Variants in GPR39 observed in about 807,000 individuals in gnomAD.
GPR39 encodes zinc sensing receptor.
In GPR39, 23 loss-of-function variants were observed where a neutral mutation model predicts 18.4. The ratio of observed to expected loss-of-function variants is 1.25; its 90% CI spans 0.90 to 1.77. The LOEUF (loss-of-function observed/expected upper bound fraction) is 1.77, where lower values mean the gene tolerates loss of function less well. Among genes scored for constraint, GPR39 ranks in the 40% most tolerant of loss-of-function variants. The pLI, the probability that GPR39 is intolerant of heterozygous loss-of-function variation, is 0.00. For missense variants in GPR39, 647 were observed against 602.4 expected (o/e 1.07, Z -0.78); for synonymous variants, 280 against 257.9 (o/e 1.09, Z -0.82).
chr2:132,641,868 T>G (rs1681862192), intron 1 of GPR39, among the ~76,000 whole-genome samples: 1 of 152,218 alleles, frequency 6.6e-6, no homozygotes, highest in South Asian at 2.1e-4. Context: ...TTTTTCAAAC[T>G]GAAAGTATGA....
chr2:132,644,770 T>TAAC (rs765706388), intron 1 of GPR39: 7 of 271,444 alleles, frequency 2.6e-5, no homozygotes, highest in Non-Finnish European at 4.8e-5. Context: ...GATTTATGGA[T>TAAC]AACATGAACT....
Position 132,468,184 on chromosome 2 carries a change from A to G in GPR39, c.856+50286A>G, listed in dbSNP as rs181466406. Among the ~76,000 whole-genome samples, 3 of 152,314 alleles carry G rather than the reference A, an allele frequency of 2.0e-5. No individual in the cohort carries two copies. In the East Asian group the frequency reaches 5.8e-4, roughly 29 times the overall value. On this transcript the variant is annotated intron_variant, in intron 1 of 1. Coordinates refer to ENST00000329321, the MANE Select transcript of GPR39 (RefSeq NM_001508.3). Reference sequence around the variant, plus strand: ...CAAAATTGAACTTGACCCAACCAACATATTTCAAGTACCTGTGGTTTCACT... The same window carrying G: ...CAAAATTGAACTTGACCCAACCAACGTATTTCAAGTACCTGTGGTTTCACT...
Position 132,645,449 on chromosome 2 carries a change from C to G in GPR39, c.1205C>G (p.Ala402Gly). The G allele has an allele frequency of 1.2e-6, 2 of 1,613,842 alleles. No individual in the cohort carries two copies. The highest frequency in any genetic ancestry group is 1.7e-6 in the Non-Finnish European group (2 of 1,180,030). ...LLFASRRQSS[A>G]RRTEKIFLST... ...TTCGCGTCCCGGCGCCAGTCCTCTGCAAGGAGAACTGAGAAGATTTTCTTA... is the reference window on the plus strand; with the variant it reads ...TTCGCGTCCCGGCGCCAGTCCTCTGGAAGGAGAACTGAGAAGATTTTCTTA... The change falls in exon 2 of 2, where the codon GCA (alanine) becomes GGA (glycine). Residue 402 changes from alanine to glycine, a missense_variant. Ala to Gly is a moderately conservative substitution (Grantham distance 60). Around this residue, in one of 3 missense-constraint regions of GPR39, gnomAD observed 581 missense variants for 506.8 expected, o/e 1.15. Coordinates refer to ENST00000329321, the MANE Select transcript of GPR39 (RefSeq NM_001508.3).
intron 1 of GPR39, among the ~76,000 whole-genome samples, chr2:132,448,729 G>T (rs982188337): frequency 2.0e-5 from 3 of 152,108 alleles, no homozygotes; most frequent in Non-Finnish European, 2.9e-5. Context: ...ATATTTTATT[G>T]GGTCAGAAAA....
chr2:132,543,353 A>T (rs1044415470), intron 1 of GPR39, among the ~76,000 whole-genome samples: 1 of 152,108 alleles, frequency 6.6e-6, no homozygotes, highest in Non-Finnish European at 1.5e-5. Flanking sequence ...TAAGGAATGG[A>T]ATTTTCCACT....
chr2:132,432,639 AT>A, intron 1 of GPR39, among the ~76,000 whole-genome samples: 1 of 152,288 alleles, frequency 6.6e-6, no homozygotes, highest in East Asian at 1.9e-4. Context: ...AGGACCTGGT[AT>A]TCTCGGAGGA....
chr2:132,450,105 T>C (rs1309669288), intron 1 of GPR39, among the ~76,000 whole-genome samples: 1 of 152,206 alleles, frequency 6.6e-6, no homozygotes, highest in African/African-American at 2.4e-5. Flanking sequence ...TCCAATATAC[T>C]TTGCTTATCA....
At chr2:132,566,398 T>C (rs1031373192) in intron 1 of GPR39, among the ~76,000 whole-genome samples, 6 of 151,892 alleles carry the variant, frequency 4.0e-5, no homozygotes, top group Non-Finnish European at 7.4e-5. Context: ...AGAAGCTCTT[T>C]AGTTTAATTA....
chr2:132,458,458 TTGTGTGTGTGTG>T (rs57137481), intron 1 of GPR39, among the ~76,000 whole-genome samples: 2,048 of 132,210 alleles, frequency 0.015, 64 homozygotes, highest in African/African-American at 0.052. Flanking sequence ...CTCGGTGTGT[TTGTGTGTGTGTG>T]TGTGTGTGTG....
intron 1 of GPR39, among the ~76,000 whole-genome samples, chr2:132,607,051 C>T (rs1031362287): frequency 5.9e-5 from 9 of 152,046 alleles, no homozygotes; most frequent in South Asian, 2.1e-4. Context: ...ATCTGAGAAA[C>T]GTATTGAAAG....
chr2:132,477,349 G>T (rs1267556027), intron 1 of GPR39, among the ~76,000 whole-genome samples: 1 of 152,070 alleles, frequency 6.6e-6, no homozygotes, highest in Non-Finnish European at 1.5e-5. Flanking sequence ...GACAGGGGTG[G>T]GAGACAGCAT....
chr2:132,448,046 G>A (rs1049273672), intron 1 of GPR39, among the ~76,000 whole-genome samples: 3 of 152,208 alleles, frequency 2.0e-5, no homozygotes, highest in African/African-American at 7.2e-5. Flanking sequence ...AATGGGTAAG[G>A]ATCATGATAG....
intron 1 of GPR39, among the ~76,000 whole-genome samples, chr2:132,564,000 G>A (rs1236949839): frequency 6.6e-6 from 1 of 152,222 alleles, no homozygotes; most frequent in Non-Finnish European, 1.5e-5. Context: ...GTACAGCAAA[G>A]CCTTGAAACC....
chr2:132,468,925 C>G (rs1246187987), intron 1 of GPR39, among the ~76,000 whole-genome samples: 1 of 152,202 alleles, frequency 6.6e-6, no homozygotes, highest in Non-Finnish European at 1.5e-5. Flanking sequence ...TTGCAGGAAG[C>G]TAATGATTTT....
chr2:132,486,657 C>T (rs1374037043), intron 1 of GPR39, among the ~76,000 whole-genome samples: 1 of 152,222 alleles, frequency 6.6e-6, no homozygotes, highest in Non-Finnish European at 1.5e-5. Flanking sequence ...TCTGTAGTTT[C>T]CTTACTTCCC....
At chr2:132,613,226 T>A (rs1681266095) in intron 1 of GPR39, among the ~76,000 whole-genome samples, 1 of 152,230 alleles carries the variant, frequency 6.6e-6, no homozygotes, top group South Asian at 2.1e-4. Context: ...TTGCTTTTTA[T>A]TTCTTGTTGC....
In GPR39 at chr2:132,623,948, G is replaced by A. The variant is rs533278016; in HGVS notation, c.857-21153G>A. On this transcript the variant is annotated intron_variant, in intron 1 of 1. Coordinates refer to ENST00000329321, the MANE Select transcript of GPR39 (RefSeq NM_001508.3). ...CTTGACCACCCCCTCACCTCCACCA[G>A]CAGCCCAAGATCCTTCTGCCTCCCT... is the stretch of plus-strand genomic sequence containing the variant. 9.9e-5 allele frequency among the ~76,000 whole-genome samples: 15 copies of A among 152,262 alleles called. No homozygotes were observed. The South Asian group carries it at 2.9e-3, about 30-fold the overall frequency.
At chr2:132,482,748 T>C (rs1681258548) in intron 1 of GPR39, among the ~76,000 whole-genome samples, 1 of 152,246 alleles carries the variant, frequency 6.6e-6, no homozygotes, top group Non-Finnish European at 1.5e-5. Context: ...TTTCTTACTC[T>C]AGATTCCTTA....
intron 1 of GPR39, among the ~76,000 whole-genome samples, chr2:132,469,839 G>A (rs12691818): frequency 0.6 from 91,389 of 151,948 alleles, 28,666 homozygotes; most frequent in Middle Eastern, 0.68. Flanking sequence ...CAACTTTCCC[G>A]TTCTCATCTC....
Sources: gnomAD v4.1 joint callset for allele counts (sites outside exome capture counted in the v4.1 genomes callset) on GRCh38, gnomAD v4.1.1 for gene constraint, gnomAD v4.1.1 regional missense constraint, MANE v1.5 for transcripts, NCBI Gene and HGNC (gene_info 2026-07-23, HGNC 2026-07-21) for gene names.